The following TAF6 variants were observed in gnomAD, a reference collection of about 807,000 sequenced individuals.
TAF6 encodes transcription initiation factor TFIID subunit 6.
TAF6 carries 50 observed loss-of-function variants against 73.5 expected under a neutral mutation model. That is an observed-to-expected ratio of 0.68 (90% CI 0.54 to 0.86). The LOEUF (loss-of-function observed/expected upper bound fraction) is 0.86. TAF6 is among the 40% of genes least tolerant of loss of function. The pLI is 0.00. For missense variants in TAF6, 768 were observed against 899.5 expected, an observed-to-expected ratio of 0.85 and a Z score of 1.87; for synonymous variants, 424 against 376.7, an observed-to-expected ratio of 1.13 and a Z score of -1.45.
At chr7:100,112,340 A>G in intron 6 of TAF6, 87 bp from the exon 7 acceptor site, 1 of 1,503,748 alleles carries the variant, frequency 6.7e-7, no homozygotes, top group Non-Finnish European at 8.9e-7. Context: ...ACTTCCCCTG[A>G]GACCCAGGAG....
intron 1 of TAF6, among the ~76,000 whole-genome samples, chr7:100,117,290 A>C (rs1285185444): frequency 2.7e-5 from 2 of 73,916 alleles, no homozygotes; most frequent in African/African-American, 1.0e-4. Flanking sequence ...TTTTTTTTTG[A>C]GCTAGAGTTT....
rs1304456108 is a variant in TAF6 at position 100,110,272 on chromosome 7, G to A, written c.1086C>T (p.Ser362=). The A allele has an allele frequency of 6.2e-7, 1 of 1,613,986 alleles. No individual in the cohort carries two copies. Among genetic ancestry groups the A allele is most frequent in the East Asian group, 2.2e-5 (1 of 44,882 alleles). ...QSRITKTFTK[S]WVDEKTPWTT... ...TCCAGGGCGTCTTCTCGTCCACCCA[G>A]CTCTGTAAGGGGAAGGAAATAAACT... Residue 362 remains serine (S), a splice_region_variant and synonymous_variant, in exon 11 of 15, where the codon AGC becomes AGT. Transcript: ENST00000453269.
At chr7:100,121,353 G>C (rs1459378653), upstream of TAF6, 2 of 151,102 alleles carry the variant, frequency 1.3e-5, no homozygotes, top group African/African-American at 4.9e-5. Context: ...TGGCCAGGAT[G>C]GTCTCAATCT....
In TAF6 at chr7:100,113,422, T is replaced by TTGAC; in HGVS notation, c.398-18_398-17insGTCA. The stretch of plus-strand genomic sequence containing the variant: ...GCCAATGAGCTGCAAGGAAGGCAGG[T>TTGAC]GTCAAGGTGAATTGCCACGCATGGA... On this transcript the variant is annotated splice_polypyrimidine_tract_variant and intron_variant, in intron 4 of 14. Coordinates refer to ENST00000453269, the MANE Select transcript of TAF6 (RefSeq NM_139315.3). 6.4e-7 allele frequency: 1 copy of TTGAC among 1,569,360 alleles called. No homozygotes were observed. Among genetic ancestry groups the TTGAC allele is most frequent in the Non-Finnish European group, 8.6e-7 (1 of 1,157,566 alleles).
At chr7:100,126,158 C>T in the TAF6 span, among the ~76,000 whole-genome samples, 1 of 152,120 alleles carries the variant, frequency 6.6e-6, no homozygotes, top group Non-Finnish European at 1.5e-5. Context: ...TGCACTCCAG[C>T]CTGGGTGATA....
chr7:100,110,138 AGTGCCCTCTATAACCTCATGACTGT>A (rs1797033375), intron 11 of TAF6, 37 bp downstream of exon 11: 4 of 1,614,060 alleles, frequency 2.5e-6, no homozygotes, highest in Admixed American at 1.7e-5. Context: ...ATGGGGGTAC[AGTGCCCTCTATAACCTCATGACTGT>A]GTCCCCTCCC....
upstream of TAF6, chr7:100,119,863 G>T: frequency 1.2e-6 from 2 of 1,611,320 alleles, no homozygotes; most frequent in Non-Finnish European, 1.7e-6. Flanking sequence ...AAATGCGAAG[G>T]TATTTGAAGG....
chr7:100,116,809 A>G (rs1003364708), intron 1 of TAF6, among the ~76,000 whole-genome samples: 24 of 152,104 alleles, frequency 1.6e-4, no homozygotes, highest in African/African-American at 5.3e-4. Context: ...CCAGGTATGT[A>G]CTTGCTTAAT....
At chr7:100,110,103 C>T in intron 11 of TAF6, 30 bp from the exon 12 acceptor site, 4 of 1,613,972 alleles carry the variant, frequency 2.5e-6, no homozygotes, top group Non-Finnish European at 3.4e-6. Context: ...CAAGCAAAAG[C>T]CGGAGGGTCA....
intron 5 of TAF6, 40 bp from the exon 6 acceptor site, chr7:100,112,957 T>C (rs555960501): frequency 1.3e-6 from 2 of 1,538,766 alleles, no homozygotes; most frequent in African/African-American, 1.6e-5. Context: ...GTGATGAGCA[T>C]AGTAGAAAAG....
chr7:100,112,946 G>T, intron 5 of TAF6, 29 bp from the exon 6 acceptor site: 2 of 1,591,314 alleles, frequency 1.3e-6, no homozygotes, highest in Non-Finnish European at 1.7e-6. Context: ...CAGCGGGAGG[G>T]GTGATGAGCA....
chr7:100,118,915 T>C lies in TAF6; in HGVS notation c.-60+289A>G, dbSNP rs368928147. 6.1e-6 allele frequency: 6 copies of C among 985,248 alleles called. No individual in the cohort carries two copies. The East Asian group carries it at 5.7e-4, about 93-fold the overall frequency. The allele number at this position is 985,248 out of a possible 1,614,324, so 61.0% of individuals were successfully genotyped here. ...GCGCCGGGTTTACAAGAGGGGGTCG[T>C]GTCCCACTTCCCTGGCGAACTCCTA... On this transcript the variant is annotated intron_variant, in intron 1 of 14. Transcript: ENST00000453269.
chr7:100,110,080 G>A lies in TAF6; in HGVS notation c.1159-7C>T, dbSNP rs1797024379. 2 of 1,614,076 alleles carry A rather than the reference G, an allele frequency of 1.2e-6. No individual in the cohort carries two copies. The highest frequency in any genetic ancestry group is 1.7e-6 in the Non-Finnish European group (2 of 1,180,022). On this transcript the variant is annotated splice_region_variant and splice_polypyrimidine_tract_variant and intron_variant, in intron 11 of 14. Transcript: ENST00000453269. ...GAATCAGAGTCTTGATAACCTGTTA[G>A]AAGGGAAAAGGACAAGCAAAAGCCG...
In TAF6 at chr7:100,108,109, C is replaced by T. The variant is rs1010499374; in HGVS notation, c.1473G>A (p.Leu491=). The T allele has an allele frequency of 2.5e-6, 4 of 1,603,432 alleles. No homozygotes were observed. Among genetic ancestry groups the T allele is most frequent in the Non-Finnish European group, 3.4e-6 (4 of 1,176,684 alleles). The change falls in exon 14 of 15, where the codon CTG becomes CTA. Residue 491 remains leucine (L), a synonymous_variant. Transcript: ENST00000453269. ...TLTITQPRPT[L]TLSQAPQPGP... ...CAGGCTGTGGGGCCTGCGAGAGGGTCAGCGTGGGCCGGGGCTGCGGGGAGA... is the reference window on the plus strand; with the variant it reads ...CAGGCTGTGGGGCCTGCGAGAGGGTTAGCGTGGGCCGGGGCTGCGGGGAGA...
At chr7:100,113,842 C>A (rs778838811) in intron 3 of TAF6, 26 bp downstream of exon 3, 403 of 1,611,094 alleles carry the variant, frequency 2.5e-4, no homozygotes, top group East Asian at 7.4e-4. Context: ...CGTCTCACCC[C>A]CCCCCCGCCT....
chr7:100,115,940 CA>C (rs1250871973), intron 1 of TAF6, among the ~76,000 whole-genome samples: 1 of 152,050 alleles, frequency 6.6e-6, no homozygotes, highest in East Asian at 1.9e-4. Context: ...CACTGGACTC[CA>C]GCCTGGCGAC....
intron 6 of TAF6, among the ~76,000 whole-genome samples, chr7:100,112,575 C>T (rs1031643194): frequency 1.3e-5 from 2 of 152,060 alleles, no homozygotes; most frequent in African/African-American, 2.4e-5. Flanking sequence ...ATTAGCCGGG[C>T]GTGGTGGTGG....
At chr7:100,120,137 G>C (rs896144893), upstream of TAF6, 12 of 337,350 alleles carry the variant, frequency 3.6e-5, no homozygotes, top group African/African-American at 1.7e-4. Context: ...CCATCGGCCC[G>C]GGACTGCCAA....
chr7:100,110,120 T>C, intron 11 of TAF6, 47 bp from the exon 12 acceptor site: 1 of 1,613,786 alleles, frequency 6.2e-7, no homozygotes, highest in South Asian at 1.1e-5. Flanking sequence ...GTCACCAGGG[T>C]CTCCCAGATG....
Sources: gnomAD v4.1 joint callset for allele counts (sites outside exome capture counted in the v4.1 genomes callset) on GRCh38, gnomAD v4.1.1 for gene constraint, MANE v1.5 for transcripts, NCBI Gene and HGNC (gene_info 2026-07-23, HGNC 2026-07-21) for gene names.